The following GRIK2 variants were observed in gnomAD, a reference collection of about 807,000 sequenced individuals.
The protein encoded by GRIK2 is glutamate ionotropic receptor kainate type subunit 2, also known as glutamate receptor ionotropic, kainate 2.
A neutral mutation model predicts 100.3 loss-of-function variants in GRIK2; 32 were observed. That is an observed-to-expected ratio of 0.32 (90% CI 0.24 to 0.43). GRIK2 has a LOEUF of 0.43. GRIK2 is among the 20% of genes least tolerant of loss of function. The probability of loss-of-function intolerance (pLI) is 1.00; values close to 1 mark genes in which losing one functional copy is unlikely to be tolerated. For missense variants in GRIK2, 843 were observed against 1,114.9 expected, an observed-to-expected ratio of 0.76 and a Z score of 3.47; for synonymous variants, 417 against 389.4, an observed-to-expected ratio of 1.07 and a Z score of -0.83.
intron 14 of GRIK2, among the ~76,000 whole-genome samples, chr6:101,970,734 T>A (rs947794003): frequency 1.3e-5 from 2 of 151,134 alleles, no homozygotes; most frequent in Non-Finnish European, 2.9e-5. Flanking sequence ...TGCAAATACA[T>A]CCTGCAATTG....
intron 12 of GRIK2, among the ~76,000 whole-genome samples, chr6:101,892,424 C>G (rs1787166696): frequency 6.6e-6 from 1 of 152,012 alleles, no homozygotes; most frequent in Admixed American, 6.6e-5. Context: ...CCATCATAGA[C>G]AGCATCTGTA....
intron 7 of GRIK2, among the ~76,000 whole-genome samples, chr6:101,731,950 A>C (rs1457443265): frequency 3.3e-5 from 5 of 152,058 alleles, no homozygotes; most frequent in Admixed American, 1.3e-4. Context: ...CAAAAATAGT[A>C]AGGGCAAAAA....
intron 2 of GRIK2, among the ~76,000 whole-genome samples, chr6:101,438,299 T>C (rs932238458): frequency 6.6e-6 from 1 of 152,094 alleles, no homozygotes; most frequent in Non-Finnish European, 1.5e-5. Flanking sequence ...TGTTGTTTTT[T>C]TTGTCTTGAT....
At chr6:101,471,623 A>G (rs1310873944) in intron 2 of GRIK2, among the ~76,000 whole-genome samples, 2 of 152,030 alleles carry the variant, frequency 1.3e-5, no homozygotes, top group African/African-American at 2.4e-5. Context: ...TACAATATTT[A>G]TCTCTTTAAA....
At chr6:101,993,127 T>C (rs1241601902) in intron 14 of GRIK2, 1 of 151,344 alleles carries the variant, frequency 6.6e-6, no homozygotes, top group African/African-American at 2.4e-5. Flanking sequence ...AACATTCTTT[T>C]CCTCTATCAA....
chr6:101,857,905 C>T (rs1411900949), intron 10 of GRIK2, among the ~76,000 whole-genome samples: 2 of 152,172 alleles, frequency 1.3e-5, no homozygotes, highest in Admixed American at 6.6e-5. Flanking sequence ...CTGGATGTGA[C>T]TTCTGTCACA....
At chr6:101,598,592 T>TAAAAAAAAAAAAAAAAAAAAAA (rs75603851) in intron 2 of GRIK2, among the ~76,000 whole-genome samples, 1 of 82,392 alleles carries the variant, frequency 1.2e-5, no homozygotes, top group Non-Finnish European at 2.4e-5. Context: ...TCTTCCTTAA[T>TAAAAAAAAAAAAAAAAAAAAAA]AAAAAAAAAA....
At chr6:101,414,723 C>T (rs925438006) in intron 2 of GRIK2, among the ~76,000 whole-genome samples, 24 of 152,152 alleles carry the variant, frequency 1.6e-4, no homozygotes, top group African/African-American at 3.6e-4. Flanking sequence ...ATGTTGCACA[C>T]GTCATTTTAC....
intron 2 of GRIK2, among the ~76,000 whole-genome samples, chr6:101,476,472 T>C (rs1412482843): frequency 6.6e-6 from 1 of 152,040 alleles, no homozygotes; most frequent in East Asian, 1.9e-4. Flanking sequence ...TGATAGAGAG[T>C]GTATTGGAGT....
intron 7 of GRIK2, among the ~76,000 whole-genome samples, chr6:101,717,606 A>G (rs550759626): frequency 3.2e-4 from 48 of 151,948 alleles, no homozygotes; most frequent in Non-Finnish European, 6.3e-4. Flanking sequence ...GGGGCAAGAC[A>G]TGTATGTACT....
rs932006334 is a variant in GRIK2 at position 101,612,770 on chromosome 6, A to G, written c.116-9179A>G. On this transcript the variant is annotated intron_variant, in intron 2 of 16. Transcript: ENST00000369134. The stretch of plus-strand genomic sequence containing the variant: ...TGTGTGTGTAGGTACATAGGTCAGT[A>G]AGAAGAAGCTGGGCTCCTGGGCAGA... 4.0e-5 allele frequency among the ~76,000 whole-genome samples: 6 copies of G among 149,460 alleles called. No homozygotes were observed. The East Asian group carries it at 1.2e-3, about 30-fold the overall frequency.
At chr6:101,936,525 A>G (rs904753846) in intron 14 of GRIK2, among the ~76,000 whole-genome samples, 1 of 152,098 alleles carries the variant, frequency 6.6e-6, no homozygotes, top group African/African-American at 2.4e-5. Context: ...TTGTGTAGTA[A>G]GGAAGTTATT....
chr6:101,504,536 C>T (rs1200991771), intron 2 of GRIK2, among the ~76,000 whole-genome samples: 1 of 151,068 alleles, frequency 6.6e-6, no homozygotes, highest in Non-Finnish European at 1.5e-5. Flanking sequence ...AAAAGAACAA[C>T]AATATAAATT....
At chr6:101,611,610 C>A (rs1779678683) in intron 2 of GRIK2, among the ~76,000 whole-genome samples, 1 of 151,696 alleles carries the variant, frequency 6.6e-6, no homozygotes, top group Non-Finnish European at 1.5e-5. Context: ...ATACTGGAGC[C>A]AGTCTTTTTA....
chr6:101,471,133 C>A (rs1453809905), intron 2 of GRIK2, among the ~76,000 whole-genome samples: 4 of 152,060 alleles, frequency 2.6e-5, no homozygotes, highest in Non-Finnish European at 5.9e-5. Context: ...GAGTCCTGGA[C>A]TTGACATCAG....
intron 2 of GRIK2, among the ~76,000 whole-genome samples, chr6:101,537,977 C>T (rs1775797650): frequency 6.6e-6 from 1 of 151,726 alleles, no homozygotes; most frequent in African/African-American, 2.4e-5. Context: ...TTCAGAATGA[C>T]TGCAATAAAA....
intron 10 of GRIK2, among the ~76,000 whole-genome samples, chr6:101,843,467 T>C (rs1547384): frequency 0.12 from 19,003 of 152,220 alleles, 1,326 homozygotes; most frequent in Admixed American, 0.2. Flanking sequence ...TCCATAGTTA[T>C]CTGTCTTGAC....
intron 7 of GRIK2, among the ~76,000 whole-genome samples, chr6:101,793,431 G>A (rs182059003): frequency 0.046 from 6,938 of 152,258 alleles, 187 homozygotes; most frequent in Non-Finnish European, 0.057. Flanking sequence ...TAACAGACAG[G>A]ACCCTCAGCT....
chr6:102,062,380 G>T (rs1317988204), intron 16 of GRIK2, among the ~76,000 whole-genome samples: 1 of 150,276 alleles, frequency 6.7e-6, no homozygotes, highest in African/African-American at 2.4e-5. Context: ...CATTAATAAG[G>T]CAGGCTAATA....
Sources: gnomAD v4.1 joint callset for allele counts (sites outside exome capture counted in the v4.1 genomes callset) on GRCh38, gnomAD v4.1.1 for gene constraint, MANE v1.5 for transcripts, NCBI Gene and HGNC (gene_info 2026-07-23, HGNC 2026-07-21) for gene names.